TENM4: variants seen among roughly 807,000 people sequenced by gnomAD.
The protein encoded by TENM4 is teneurin transmembrane protein 4.
TENM4 carries 82 observed loss-of-function variants against 243.3 expected under a neutral mutation model. The observed-to-expected ratio is 0.34, with a 90% CI of 0.28 to 0.40. TENM4 has a LOEUF of 0.40. Among genes scored for constraint, TENM4 ranks in the 10% least tolerant of loss-of-function variants. The probability of loss-of-function intolerance (pLI) is 1.00; values close to 1 mark genes in which losing one functional copy is unlikely to be tolerated. For synonymous variants in TENM4, 1,412 were observed against 1,456.3 expected (o/e 0.97, Z 0.69); for missense variants, 3,138 against 3,673.3 (o/e 0.85, Z 3.77).
At chr11:79,099,192 C>A (rs1354289818) in intron 4 of TENM4, among the ~76,000 whole-genome samples, 1 of 152,136 alleles carries the variant, frequency 6.6e-6, no homozygotes, top group Non-Finnish European at 1.5e-5. Context: ...TTGCCTTGGG[C>A]ACCACCTGGA....
At chr11:78,906,737 CCT>C (rs1175147604) in intron 6 of TENM4, among the ~76,000 whole-genome samples, 1 of 152,188 alleles carries the variant, frequency 6.6e-6, no homozygotes, top group South Asian at 2.1e-4. Flanking sequence ...GCAACCCAGA[CCT>C]CTCATTTTCA....
chr11:79,083,351 C>T (rs999836875), intron 4 of TENM4, among the ~76,000 whole-genome samples: 4 of 152,202 alleles, frequency 2.6e-5, no homozygotes, highest in South Asian at 4.1e-4. Context: ...CCTCTTGAGA[C>T]TGGTTCGGTT....
chr11:78,801,667 T>G (rs1317015502), intron 15 of TENM4, among the ~76,000 whole-genome samples: 7 of 152,182 alleles, frequency 4.6e-5, no homozygotes, highest in Non-Finnish European at 2.9e-5. Context: ...AGCAAGACAC[T>G]CATCTCAGGG....
At chr11:79,081,056 C>G (rs1428777474) in intron 4 of TENM4, among the ~76,000 whole-genome samples, 1 of 152,152 alleles carries the variant, frequency 6.6e-6, no homozygotes, top group Non-Finnish European at 1.5e-5. Flanking sequence ...AAACCAACAT[C>G]CCAGAAAGGC....
At chr11:79,304,378 T>C (rs1856594236) in intron 1 of TENM4, among the ~76,000 whole-genome samples, 1 of 152,208 alleles carries the variant, frequency 6.6e-6, no homozygotes, top group African/African-American at 2.4e-5. Flanking sequence ...GGAAAGTCTG[T>C]TGATCTAAGC....
rs144712125 is a variant in TENM4, at chr11:79,167,702, G to A, written c.-162-18896C>T. ...GGTTGGTAGCCCAGTTGGAGGTGAA[G>A]GTGGCAGGGTAGGAGGGGAAGAGTC... On this transcript the variant is annotated intron_variant, in intron 3 of 33. Coordinates refer to ENST00000278550, the MANE Select transcript of TENM4 (RefSeq NM_001098816.3). Among the ~76,000 whole-genome samples, 140 of 152,284 alleles carry A rather than the reference G, an allele frequency of 9.2e-4. 4 individuals are homozygous for A. The East Asian group carries it at 0.02, about 22-fold the overall frequency.
At chr11:79,202,487 C>T (rs1322265474) in intron 3 of TENM4, among the ~76,000 whole-genome samples, 1 of 152,134 alleles carries the variant, frequency 6.6e-6, no homozygotes, top group East Asian at 1.9e-4. Context: ...GAAAAGAAAA[C>T]CAATTTAAAT....
At chr11:78,704,266 G>A (rs969600768) in intron 27 of TENM4, among the ~76,000 whole-genome samples, 9 of 149,018 alleles carry the variant, frequency 6.0e-5, no homozygotes, top group Admixed American at 1.3e-4. Context: ...TTTGCCTACC[G>A]TGGCCTTCCG....
At chr11:79,395,349 G>A (rs551625) in intron 1 of TENM4, among the ~76,000 whole-genome samples, 51,526 of 151,986 alleles carry the variant, frequency 0.34, 8,666 homozygotes, top group East Asian at 0.37. Context: ...TATATTCCAG[G>A]GCCAGGCATT....
intron 3 of TENM4, among the ~76,000 whole-genome samples, chr11:79,164,441 C>CTATATAGTA (rs1157174371): frequency 7.9e-6 from 1 of 127,092 alleles, no homozygotes; most frequent in African/African-American, 3.1e-5. Flanking sequence ...TATATATGTA[C>CTATATAGTA]TATATAGTAT....
At chr11:78,939,041 A>G (rs756965415) in intron 6 of TENM4, among the ~76,000 whole-genome samples, 2 of 152,200 alleles carry the variant, frequency 1.3e-5, no homozygotes, top group East Asian at 1.9e-4. Context: ...GTGCACATAC[A>G]GCTCCCATCT....
At chr11:79,139,016 CTATAAATATATATT>C (rs1862195748) in intron 4 of TENM4, among the ~76,000 whole-genome samples, 1 of 17,300 alleles carries the variant, frequency 5.8e-5, no homozygotes, top group Admixed American at 8.9e-4. Context: ...TATTATATTT[CTATAAATATATATT>C]ATATTTCTAT....
chr11:78,991,497 T>C (rs996268289), intron 6 of TENM4, among the ~76,000 whole-genome samples: 1 of 152,190 alleles, frequency 6.6e-6, no homozygotes, highest in African/African-American at 2.4e-5. Flanking sequence ...ACCACAACTG[T>C]GACATCCCTT....
chr11:79,326,366 A>T (rs897558568), intron 1 of TENM4, among the ~76,000 whole-genome samples: 3 of 152,110 alleles, frequency 2.0e-5, no homozygotes, highest in African/African-American at 7.2e-5. Context: ...CACAGTGAAC[A>T]CTGCCTAAAT....
At chr11:79,210,862 A>G (rs1045879508) in intron 3 of TENM4, among the ~76,000 whole-genome samples, 6 of 152,160 alleles carry the variant, frequency 3.9e-5, no homozygotes, top group Admixed American at 3.9e-4. Flanking sequence ...TTATCTGCCT[A>G]TTGGTGACCA....
At chr11:78,761,897 T>A (rs986914235) in intron 18 of TENM4, among the ~76,000 whole-genome samples, 4 of 152,170 alleles carry the variant, frequency 2.6e-5, no homozygotes, top group Admixed American at 6.6e-5. Flanking sequence ...GTTCTGAGTC[T>A]CCCTGGCGCT....
At position 79,440,711 on chromosome 11, in the gene TENM4, C is replaced by T. The variant is rs1374638917; in HGVS notation, c.-523G>A. ...ATAGCTCCCGCGGGGAGCGGAGCCC[C>T]AGCGAGCCTCCAGCCGCGCGCGCAC... On this transcript the variant is annotated 5_prime_UTR_variant, in exon 1 of 34. Coordinates refer to ENST00000278550, the MANE Select transcript of TENM4 (RefSeq NM_001098816.3). The surrounding 1 kb of genome is among the most constrained non-coding windows in gnomAD (Gnocchi z 4.7). 2.0e-5 allele frequency: 3 copies of T among 152,408 alleles called. No individual in the cohort carries two copies. Among genetic ancestry groups the T allele is most frequent in the African/African-American group, 7.2e-5 (3 of 41,542 alleles). The allele number at this position is 152,408 out of a possible 1,614,324, so 9.4% of individuals were successfully genotyped here.
chr11:79,133,446 C>T (rs192607261), intron 4 of TENM4, among the ~76,000 whole-genome samples: 2 of 152,230 alleles, frequency 1.3e-5, no homozygotes, highest in African/African-American at 2.4e-5. Context: ...GGTACCAATC[C>T]TTTTGACACT....
chr11:78,929,781 G>A (rs567282192), intron 6 of TENM4, among the ~76,000 whole-genome samples: 3 of 152,330 alleles, frequency 2.0e-5, no homozygotes, highest in African/African-American at 7.2e-5. Context: ...ACCACCTCCA[G>A]ACTCTGTCAT....
Sources: allele counts gnomAD v4.1 joint callset (sites outside exome capture counted in the v4.1 genomes callset), GRCh38; gene constraint gnomAD v4.1.1; non-coding constraint Gnocchi (gnomAD v3.1); transcripts MANE v1.5; gene names NCBI Gene and HGNC (gene_info 2026-07-23, HGNC 2026-07-21).